Variants in VTI1A observed in about 807,000 individuals in gnomAD.
VTI1A encodes the protein vesicle transport through interaction with t-SNAREs homolog 1A.
VTI1A carries 22 observed loss-of-function variants against 34.9 expected under a neutral mutation model. The observed-to-expected ratio is 0.63, with a 90% CI of 0.45 to 0.90. The LOEUF (loss-of-function observed/expected upper bound fraction) is 0.90. Ranked by LOEUF, VTI1A falls within the 40% of genes least tolerant of loss-of-function variation. The probability of loss-of-function intolerance (pLI) is 0.00; values close to 1 mark genes in which losing one functional copy is unlikely to be tolerated. For missense variants in VTI1A, 268 were observed against 275.6 expected (o/e 0.97, Z 0.20); for synonymous variants, 87 against 97.3 (o/e 0.89, Z 0.62).
intron 5 of VTI1A, among the ~76,000 whole-genome samples, chr10:112,651,069 G>A (rs1168503061): frequency 6.6e-6 from 1 of 152,096 alleles, no homozygotes. Context: ...AAGTAATGCT[G>A]TGTGGCTTAA....
At position 112,817,286 on chromosome 10, in the gene VTI1A, C is replaced by T. The variant is rs1853551919; in HGVS notation, c.*1903C>T. ...GCACTTCGCACGGCCATCCCGTCCA[C>T]AATGCAGCAGACTCTTCCCAAGGCC... On this transcript the variant is annotated 3_prime_UTR_variant, in exon 8 of 8. Transcript: ENST00000393077. 1 of 232,376 alleles carries T rather than the reference C, an allele frequency of 4.3e-6. No individual in the cohort carries two copies. The highest frequency in any genetic ancestry group is 8.5e-6 in the Non-Finnish European group (1 of 117,538). 14.4% of individuals were successfully genotyped at this position (232,376 alleles called of 1,614,324 possible). A position where few individuals can be genotyped will look rare whatever the true frequency, so the allele number is the denominator to read the frequency against.
intron 7 of VTI1A, among the ~76,000 whole-genome samples, chr10:112,804,022 T>C (rs1305373031): frequency 1.3e-5 from 2 of 152,240 alleles, no homozygotes; most frequent in South Asian, 2.1e-4. Context: ...GCAGTGGCCG[T>C]GGTGCCCAGG....
At chr10:112,839,538 G>GT in the VTI1A span, among the ~76,000 whole-genome samples, 1 of 145,746 alleles carries the variant, frequency 6.9e-6, no homozygotes, top group East Asian at 2.2e-4. Flanking sequence ...GGTTGGGAGG[G>GT]TTGGGGGGAG....
intron 5 of VTI1A, among the ~76,000 whole-genome samples, chr10:112,576,699 A>C (rs931068860): frequency 6.6e-6 from 1 of 152,296 alleles, no homozygotes; most frequent in African/African-American, 2.4e-5. Flanking sequence ...TAAAAATAAG[A>C]TGTTTTCTGA....
In VTI1A at chr10:112,816,399, C is replaced by T. The variant is rs1387232668; in HGVS notation, c.*1016C>T. On this transcript the variant is annotated 3_prime_UTR_variant, in exon 8 of 8. Transcript: ENST00000393077. Reference sequence around the variant, plus strand: ...CACCAGAGATAAACTTCACGGAAAACGTTCCCTAACCTCCTTTAAAAGAAT... The same window carrying T: ...CACCAGAGATAAACTTCACGGAAAATGTTCCCTAACCTCCTTTAAAAGAAT... 8.9e-6 allele frequency: 2 copies of T among 223,794 alleles called. No homozygotes were observed. Among genetic ancestry groups the T allele is most frequent in the Admixed American group, 5.7e-5 (1 of 17,458 alleles). 13.9% of individuals were successfully genotyped at this position (223,794 alleles called of 1,614,324 possible).
At chr10:112,571,271 C>T (rs920558963) in intron 5 of VTI1A, among the ~76,000 whole-genome samples, 1 of 152,156 alleles carries the variant, frequency 6.6e-6, no homozygotes, top group African/African-American at 2.4e-5. Flanking sequence ...CAAGTTTATA[C>T]TCCAAAGAAA....
intron 7 of VTI1A, among the ~76,000 whole-genome samples, chr10:112,686,385 C>A (rs1405198357): frequency 6.6e-6 from 1 of 152,104 alleles, no homozygotes. Flanking sequence ...GCATTAGGAT[C>A]CATGGAGAGG....
intron 3 of VTI1A, among the ~76,000 whole-genome samples, chr10:112,510,723 T>G (rs554771858): frequency 6.6e-6 from 1 of 152,348 alleles, no homozygotes; most frequent in Non-Finnish European, 1.5e-5. Flanking sequence ...CAAATAGTTT[T>G]AAATGCTATG....
At position 112,815,314 on chromosome 10, in the gene VTI1A, C is replaced by T. The variant is rs781374219; in HGVS notation, c.585C>T (p.Leu195=). The change falls in exon 8 of 8, where the codon CTC becomes CTT. Residue 195 remains leucine (L), a synonymous_variant. Transcript: ENST00000393077. ...GAATCATCCAGAACCGCATCCTGCT[C>T]GTCATCCTAGGGATCATCGTGGTCA... ...LRRIIQNRIL[L]VILGIIVVIT... is the part of the protein sequence containing the mutation. 1.2e-6 allele frequency: 2 copies of T among 1,613,824 alleles called. No individual in the cohort carries two copies. The highest frequency in any genetic ancestry group is 1.6e-4 in the Middle Eastern group (1 of 6,062).
intron 5 of VTI1A, among the ~76,000 whole-genome samples, chr10:112,574,987 A>G (rs1046916245): frequency 2.8e-4 from 43 of 152,320 alleles, no homozygotes; most frequent in African/African-American, 8.7e-4. Flanking sequence ...ACCAGATAAA[A>G]TAAGGCCCTG....
the VTI1A span, among the ~76,000 whole-genome samples, chr10:112,830,826 T>C: frequency 1.9e-5 from 1 of 53,010 alleles, no homozygotes; most frequent in Non-Finnish European, 3.4e-5. Flanking sequence ...AACCCTCATA[T>C]ATATATATAT....
At chr10:112,514,943 C>A (rs553195895) in intron 3 of VTI1A, among the ~76,000 whole-genome samples, 20 of 151,974 alleles carry the variant, frequency 1.3e-4, no homozygotes, top group Middle Eastern at 3.4e-3. Flanking sequence ...GTTGCTGTAA[C>A]GTGTAATGCT....
chr10:112,815,058 C>T (rs939968957), intron 7 of VTI1A, among the ~76,000 whole-genome samples: 3 of 151,300 alleles, frequency 2.0e-5, no homozygotes, highest in Admixed American at 6.6e-5. Context: ...CGGAGGGCAG[C>T]GTGACAATCA....
chr10:112,839,224 C>T, the VTI1A span, among the ~76,000 whole-genome samples: 1 of 152,206 alleles, frequency 6.6e-6, no homozygotes, highest in Non-Finnish European at 1.5e-5. Context: ...TTTCCCTCCT[C>T]AGGGGCTCAC....
the VTI1A span, among the ~76,000 whole-genome samples, chr10:112,841,090 G>C: frequency 6.6e-6 from 1 of 152,278 alleles, no homozygotes; most frequent in Admixed American, 6.5e-5. Context: ...GAGGATGCAT[G>C]TAGGCACACC....
At chr10:112,627,641 A>G (rs955855503) in intron 5 of VTI1A, among the ~76,000 whole-genome samples, 2 of 152,166 alleles carry the variant, frequency 1.3e-5, no homozygotes, top group East Asian at 1.9e-4. Flanking sequence ...GTCAATATAT[A>G]TGCACACATA....
intron 5 of VTI1A, among the ~76,000 whole-genome samples, chr10:112,559,054 T>C (rs1475028733): frequency 6.6e-6 from 1 of 152,200 alleles, no homozygotes; most frequent in Non-Finnish European, 1.5e-5. Flanking sequence ...AGTGCTCCCG[T>C]AACTGGCAAC....
chr10:112,676,254 G>T (rs906083845), intron 7 of VTI1A, among the ~76,000 whole-genome samples: 1 of 151,536 alleles, frequency 6.6e-6, no homozygotes, highest in Non-Finnish European at 1.5e-5. Flanking sequence ...CTGTCATGGC[G>T]CCACCATTCC....
the VTI1A span, among the ~76,000 whole-genome samples, chr10:112,828,968 G>C: frequency 6.6e-6 from 1 of 152,068 alleles, no homozygotes; most frequent in Non-Finnish European, 1.5e-5. Flanking sequence ...AGAGCCCAAG[G>C]GTACTAAGGG....
Sources: gnomAD v4.1 joint callset for allele counts (sites outside exome capture counted in the v4.1 genomes callset) on GRCh38, gnomAD v4.1.1 for gene constraint, MANE v1.5 for transcripts, NCBI Gene and HGNC (gene_info 2026-07-23, HGNC 2026-07-21) for gene names.